PCSK6: variants seen among roughly 807,000 people sequenced by gnomAD.
PCSK6 encodes proprotein convertase subtilisin/kexin type 6.
A neutral mutation model predicts 123.3 loss-of-function variants in PCSK6; 85 were observed. The observed-to-expected ratio is 0.69, with a 90% CI of 0.58 to 0.83. The LOEUF (loss-of-function observed/expected upper bound fraction) is 0.83, where lower values mean the gene tolerates loss of function less well. PCSK6 is among the 40% of genes least tolerant of loss of function. The pLI is 0.00. For synonymous variants in PCSK6, 508 were observed against 516.0 expected, an observed-to-expected ratio of 0.98 and a Z score of 0.21; for missense variants, 1,191 against 1,282.3, an observed-to-expected ratio of 0.93 and a Z score of 1.09.
At chr15:101,435,697 G>C (rs1432137097) in intron 2 of PCSK6, among the ~76,000 whole-genome samples, 1 of 152,218 alleles carries the variant, frequency 6.6e-6, no homozygotes, top group Non-Finnish European at 1.5e-5. Context: ...ACTTTCTTTT[G>C]TAGTGTGTGC....
At chr15:101,460,773 T>A (rs2057323425) in intron 1 of PCSK6, among the ~76,000 whole-genome samples, 1 of 152,164 alleles carries the variant, frequency 6.6e-6, no homozygotes. Flanking sequence ...ATTTGGAAAT[T>A]CACAAACACA....
At chr15:101,381,447 C>T (rs976755300) in intron 11 of PCSK6, among the ~76,000 whole-genome samples, 2 of 152,152 alleles carry the variant, frequency 1.3e-5, no homozygotes, top group African/African-American at 4.8e-5. Context: ...GTGTGCCCTG[C>T]TCACGGGAGA....
intron 6 of PCSK6, among the ~76,000 whole-genome samples, chr15:101,403,409 C>G (rs1007354525): frequency 7.3e-5 from 10 of 136,862 alleles, no homozygotes; most frequent in African/African-American, 1.4e-4. Context: ...TACCCTAAAA[C>G]TTAAAGTATA....
In PCSK6 at chr15:101,469,318, T is replaced by G. The variant is rs148380059; in HGVS notation, c.297+20056A>C. On this transcript the variant is annotated intron_variant, in intron 1 of 21. Transcript: ENST00000611716. Reference sequence around the variant, plus strand: ...TCCAGGCACTTCAGTCTCTTGGGAATGAAGACAGTGAGCATTTGTAGTTTA... The same window carrying G: ...TCCAGGCACTTCAGTCTCTTGGGAAGGAAGACAGTGAGCATTTGTAGTTTA... Among the ~76,000 whole-genome samples, 240 of 152,268 alleles carry G rather than the reference T, an allele frequency of 1.6e-3. 6 individuals are homozygous for G. The East Asian group carries it at 0.045, about 28-fold the overall frequency.
chr15:101,386,088 C>T (rs961217234), intron 9 of PCSK6, among the ~76,000 whole-genome samples: 2 of 152,048 alleles, frequency 1.3e-5, no homozygotes, highest in African/African-American at 4.8e-5. Flanking sequence ...AAGCCCCAGC[C>T]TTGTCTCGGT....
At chr15:101,374,309 ACTAT>A (rs1475824957) in intron 11 of PCSK6, among the ~76,000 whole-genome samples, 3 of 151,924 alleles carry the variant, frequency 2.0e-5, no homozygotes, top group Admixed American at 2.0e-4. Context: ...AATGCATAAT[ACTAT>A]CTAATAGCAA....
At position 101,365,797 on chromosome 15, in the gene PCSK6, G is replaced by C. The variant is rs984953282; in HGVS notation, c.1858+399C>G. The C allele has an allele frequency of 3.7e-5, 6 of 160,110 alleles. No homozygotes were observed. The East Asian group carries it at 1.1e-3, about 28-fold the overall frequency. The allele number at this position is 160,110 out of a possible 1,614,324, so 9.9% of individuals were successfully genotyped here. ...GAAAACATCATGCTAAGTGAAAGAA[G>C]CCAGACACAAAAGGCCAGGTGTTGT... On this transcript the variant is annotated intron_variant, in intron 13 of 21. Coordinates refer to ENST00000611716, the MANE Select transcript of PCSK6 (RefSeq NM_002570.5).
chr15:101,350,110 G>A (rs112399474), intron 13 of PCSK6, among the ~76,000 whole-genome samples: 3,566 of 152,056 alleles, frequency 0.023, 144 homozygotes, highest in African/African-American at 0.082. Flanking sequence ...GTTTCACCAC[G>A]TTGGCCAGAC....
chr15:101,361,336 T>A (rs2412068), intron 13 of PCSK6, among the ~76,000 whole-genome samples: 2 of 62,840 alleles, frequency 3.2e-5, no homozygotes, highest in Non-Finnish European at 5.8e-5. Context: ...CCATCACCCC[T>A]CCCACTAAAT....
At chr15:101,404,770 T>TACTTTC (rs1385232923) in intron 6 of PCSK6, among the ~76,000 whole-genome samples, 1 of 152,156 alleles carries the variant, frequency 6.6e-6, no homozygotes, top group Non-Finnish European at 1.5e-5. Flanking sequence ...TCTTTGCCCT[T>TACTTTC]ACTTTCAGCC....
chr15:101,479,682 G>A (rs1332960848), intron 1 of PCSK6, among the ~76,000 whole-genome samples: 1 of 152,198 alleles, frequency 6.6e-6, no homozygotes, highest in African/African-American at 2.4e-5. Context: ...GGGCACAGGA[G>A]CACCTCCATG....
intron 13 of PCSK6, among the ~76,000 whole-genome samples, chr15:101,359,077 G>C (rs1363007750): frequency 6.6e-6 from 1 of 152,198 alleles, no homozygotes; most frequent in Non-Finnish European, 1.5e-5. Context: ...GGCTTGCCGT[G>C]CGTCAGCTGT....
At chr15:101,382,238 C>G (rs775829076) in intron 10 of PCSK6, 29 bp from the exon 11 acceptor site, 1 of 1,486,696 alleles carries the variant, frequency 6.7e-7, no homozygotes, top group Non-Finnish European at 9.2e-7. Context: ...CAGAGCCAGG[C>G]TCTCCTGCCT....
chr15:101,330,647 T>C (rs75809479), intron 15 of PCSK6, among the ~76,000 whole-genome samples: 4,033 of 152,232 alleles, frequency 0.026, 116 homozygotes, highest in East Asian at 0.13. Context: ...GGAGACCCCC[T>C]CTCTCCACCT....
chr15:101,398,692 G>T lies in PCSK6; in HGVS notation c.824-116C>A. 4.4e-6 allele frequency: 5 copies of T among 1,140,434 alleles called. No individual in the cohort carries two copies. The highest frequency in any genetic ancestry group is 6.1e-6 in the Non-Finnish European group (5 of 821,910). 70.6% of individuals were successfully genotyped at this position (1,140,434 alleles called of 1,614,324 possible). ...CGCATCACAGAGTCCCTCCCCAGCA[G>T]GGGCTGTTCCCAGTCATTCTGCAAA... On this transcript the variant is annotated intron_variant, in intron 6 of 21. Transcript: ENST00000611716. This position sits in a 1 kb window ranked among gnomAD's most constrained non-coding sequence, Gnocchi z 4.6.
rs184683758 is a variant in PCSK6, at chr15:101,428,952, G to A, written c.735-972C>T. Among the ~76,000 whole-genome samples, 1,105 of 152,318 alleles carry A rather than the reference G, an allele frequency of 7.3e-3. 6 individuals are homozygous for A. Among genetic ancestry groups the A allele is most frequent in the South Asian group, 0.015 (74 of 4,818 alleles). On this transcript the variant is annotated intron_variant, in intron 5 of 21. Transcript: ENST00000611716. ...GGCATCCTCACTGGCAGCAGGAAGG[G>A]CACCTTGGGACGTGCATGAGGCTGG...
At chr15:101,477,543 T>C (rs2057763857) in intron 1 of PCSK6, among the ~76,000 whole-genome samples, 1 of 152,204 alleles carries the variant, frequency 6.6e-6, no homozygotes, top group African/African-American at 2.4e-5. Flanking sequence ...CAAAAAGTCA[T>C]GGCCCAAAGT....
chr15:101,406,780 G>A (rs952516918), intron 6 of PCSK6, among the ~76,000 whole-genome samples: 7 of 152,146 alleles, frequency 4.6e-5, no homozygotes, highest in South Asian at 2.1e-4. Flanking sequence ...GGGGACGCGC[G>A]GGGGATCACC....
At chr15:101,425,957 C>T (rs1037908764) in intron 6 of PCSK6, among the ~76,000 whole-genome samples, 18 of 152,196 alleles carry the variant, frequency 1.2e-4, no homozygotes, top group Admixed American at 1.1e-3. Flanking sequence ...CACATTGTGA[C>T]GTGGAGACAA....
Sources: allele counts gnomAD v4.1 joint callset (sites outside exome capture counted in the v4.1 genomes callset), GRCh38; gene constraint gnomAD v4.1.1; non-coding constraint Gnocchi (gnomAD v3.1); transcripts MANE v1.5; gene names NCBI Gene and HGNC (gene_info 2026-07-23, HGNC 2026-07-21).